TBC1D32: variants seen among roughly 807,000 people sequenced by gnomAD.
TBC1D32 encodes the protein protein broad-minded.
A neutral mutation model predicts 170.3 loss-of-function variants in TBC1D32; 151 were observed. The ratio of observed to expected loss-of-function variants is 0.89; its 90% CI spans 0.78 to 1.01. The LOEUF is 1.01. Ranked by LOEUF, TBC1D32 falls within the 50% of genes least tolerant of loss-of-function variation. TBC1D32 has a pLI of 0.00. For synonymous variants in TBC1D32, 498 were observed against 488.0 expected (o/e 1.02, Z -0.27); for missense variants, 1,464 against 1,457.1 (o/e 1.00, Z -0.08).
At position 121,115,461 on chromosome 6, in the gene TBC1D32, A is replaced by G. The variant is rs187282250; in HGVS notation, c.2984-220T>C. 1.3e-5 allele frequency: 5 copies of G among 393,594 alleles called. No individual in the cohort carries two copies. In the East Asian group the frequency reaches 1.9e-4, roughly 15 times the overall value. 24.4% of individuals were successfully genotyped at this position (393,594 alleles called of 1,614,324 possible). On this transcript the variant is annotated intron_variant, in intron 26 of 31. Transcript: ENST00000398212. ...TTTCCCATAAAAAGCATTGGAAAAC[A>G]TATTAAATACATAACAATAGTAGTT... is the stretch of plus-strand genomic sequence containing the variant.
intron 15 of TBC1D32, among the ~76,000 whole-genome samples, chr6:121,257,775 G>A (rs1386096591): frequency 6.6e-6 from 1 of 150,960 alleles, no homozygotes; most frequent in Non-Finnish European, 1.5e-5. Context: ...TTATTTTTCT[G>A]ATTCTCAAAT....
chr6:121,283,503 A>T (rs1803342135), intron 13 of TBC1D32, among the ~76,000 whole-genome samples: 1 of 151,964 alleles, frequency 6.6e-6, no homozygotes, highest in South Asian at 2.1e-4. Flanking sequence ...AAAAAATCAC[A>T]TTATGACCTA....
At chr6:121,160,230 G>A (rs1785444473) in intron 23 of TBC1D32, 127 bp from the exon 24 acceptor site, 2 of 595,948 alleles carry the variant, frequency 3.4e-6, no homozygotes, top group Non-Finnish European at 5.9e-6. Flanking sequence ...TTGTTGCCCA[G>A]TTAACCAAAA....
intron 13 of TBC1D32, among the ~76,000 whole-genome samples, chr6:121,282,116 C>G (rs1223471510): frequency 1.3e-5 from 2 of 151,302 alleles, no homozygotes; most frequent in African/African-American, 4.8e-5. Flanking sequence ...TACATTCAAA[C>G]AAGAAAATGG....
intron 30 of TBC1D32, among the ~76,000 whole-genome samples, chr6:121,093,391 A>G (rs1475866025): frequency 6.6e-6 from 1 of 152,160 alleles, no homozygotes; most frequent in East Asian, 1.9e-4. Flanking sequence ...CCTGCTGCCA[A>G]GATTCTCTCT....
chr6:121,106,658 T>A (rs1778717260), intron 29 of TBC1D32, among the ~76,000 whole-genome samples: 1 of 152,058 alleles, frequency 6.6e-6, no homozygotes, highest in Admixed American at 6.6e-5. Flanking sequence ...AGCCTAAATC[T>A]GACCCTGAAT....
chr6:121,243,710 A>G (rs1797260235), intron 17 of TBC1D32, among the ~76,000 whole-genome samples: 1 of 152,074 alleles, frequency 6.6e-6, no homozygotes, highest in Non-Finnish European at 1.5e-5. Flanking sequence ...CAACCTAAAA[A>G]CATACATAAC....
intron 21 of TBC1D32, among the ~76,000 whole-genome samples, chr6:121,205,959 C>G (rs113565543): frequency 0.014 from 2,184 of 152,160 alleles, 14 homozygotes; most frequent in Middle Eastern, 0.034. Flanking sequence ...TGCCTGTAAT[C>G]CCAGCACTTT....
At chr6:121,108,481 C>T (rs1409978006) in intron 29 of TBC1D32, among the ~76,000 whole-genome samples, 1 of 151,940 alleles carries the variant, frequency 6.6e-6, no homozygotes, top group Non-Finnish European at 1.5e-5. Context: ...CATTTAGCAT[C>T]ATCTAATTAA....
chr6:121,176,557 A>C (rs941916428), intron 22 of TBC1D32, among the ~76,000 whole-genome samples: 3 of 151,948 alleles, frequency 2.0e-5, no homozygotes, highest in Admixed American at 6.6e-5. Context: ...CACAACACAC[A>C]GTTTACTTGG....
At chr6:121,124,255 G>A (rs2128210137) in intron 26 of TBC1D32, among the ~76,000 whole-genome samples, 1 of 152,176 alleles carries the variant, frequency 6.6e-6, no homozygotes, top group Middle Eastern at 3.4e-3. Context: ...GTCTGGGAAA[G>A]TCTTATTCTC....
intron 12 of TBC1D32, 119 bp from the exon 13 acceptor site, chr6:121,284,029 C>CAGA: frequency 1.4e-6 from 1 of 691,858 alleles, no homozygotes; most frequent in Middle Eastern, 4.1e-4. Context: ...ACGAGGCAAT[C>CAGA]AGGAAGAAGG....
At chr6:121,153,944 C>T (rs986793632) in intron 24 of TBC1D32, among the ~76,000 whole-genome samples, 9 of 150,982 alleles carry the variant, frequency 6.0e-5, no homozygotes, top group African/African-American at 2.2e-4. Flanking sequence ...GGGGTAGGAT[C>T]TGCTGGGCAA....
At chr6:121,243,076 C>T (rs894789391) in intron 17 of TBC1D32, among the ~76,000 whole-genome samples, 1 of 151,482 alleles carries the variant, frequency 6.6e-6, no homozygotes, top group East Asian at 1.9e-4. Flanking sequence ...AAATTCAAAA[C>T]CAGCAGAGAA....
chr6:121,303,562 T>C, intron 9 of TBC1D32, 55 bp downstream of exon 9: 1 of 1,311,816 alleles, frequency 7.6e-7, no homozygotes, highest in Non-Finnish European at 1.0e-6. Context: ...TAACTATTTA[T>C]TAAAATGATA....
Position 121,134,776 on chromosome 6 carries a change from C to T in TBC1D32, c.2774-3024G>A, listed in dbSNP as rs534203623. Among the ~76,000 whole-genome samples the T allele has an allele frequency of 1.3e-4, 20 of 151,722 alleles. No individual in the cohort carries two copies. The East Asian group carries it at 1.6e-3, about 12-fold the overall frequency. On this transcript the variant is annotated intron_variant, in intron 24 of 31. Coordinates refer to ENST00000398212, the MANE Select transcript of TBC1D32 (RefSeq NM_152730.6). ...ACAATAAATAATTCATTTATCTTCTCCAAATTTGGGACCAACTGAGAAGCC... is the reference window on the plus strand; with the variant it reads ...ACAATAAATAATTCATTTATCTTCTTCAAATTTGGGACCAACTGAGAAGCC...
intron 24 of TBC1D32, among the ~76,000 whole-genome samples, chr6:121,141,839 A>C (rs1294601370): frequency 6.6e-6 from 1 of 152,206 alleles, no homozygotes; most frequent in Non-Finnish European, 1.5e-5. Flanking sequence ...CCTTTTTAAA[A>C]AGCCGGAAGG....
chr6:121,086,235 T>C (rs1162016492), intron 31 of TBC1D32, among the ~76,000 whole-genome samples: 1 of 152,042 alleles, frequency 6.6e-6, no homozygotes, highest in Non-Finnish European at 1.5e-5. Context: ...CCCTATGTGA[T>C]GAAGAAACAA....
At chr6:121,328,875 A>C (rs1369100973) in intron 1 of TBC1D32, among the ~76,000 whole-genome samples, 1 of 152,242 alleles carries the variant, frequency 6.6e-6, no homozygotes. Flanking sequence ...TTACTTTAGA[A>C]GTAATTTAAT....
Sources: gnomAD v4.1 joint callset for allele counts (sites outside exome capture counted in the v4.1 genomes callset) on GRCh38, gnomAD v4.1.1 for gene constraint, MANE v1.5 for transcripts, NCBI Gene and HGNC (gene_info 2026-07-23, HGNC 2026-07-21) for gene names.